OR5L2: variants seen among roughly 807,000 people sequenced by gnomAD.
OR5L2 encodes olfactory receptor family 5 subfamily L member 2.
For missense variants in OR5L2, 425 were observed against 365.6 expected, an observed-to-expected ratio of 1.16 and a Z score of -1.32; for synonymous variants, 175 against 151.6, an observed-to-expected ratio of 1.15 and a Z score of -1.13.
chr11:55,827,275 T>C lies in OR5L2; in HGVS notation c.57T>C (p.Asp19=). Residue 19 remains aspartate, a synonymous_variant, in exon 1 of 1, where the codon GAT becomes GAC. Coordinates refer to ENST00000378397, the MANE Select transcript of OR5L2 (RefSeq NM_001004739.1). ...VAEFILLGLS[D]VPELRVCLFL... ...AGTTCATTCTCCTTGGACTATCAGATGTCCCTGAGTTGAGAGTCTGCCTCT... is the reference window on the plus strand; with the variant it reads ...AGTTCATTCTCCTTGGACTATCAGACGTCCCTGAGTTGAGAGTCTGCCTCT... 1.2e-6 allele frequency: 2 copies of C among 1,613,912 alleles called. No individual in the cohort carries two copies. Among genetic ancestry groups the C allele is most frequent in the Non-Finnish European group, 1.7e-6 (2 of 1,179,982 alleles).
Position 55,827,720 on chromosome 11 carries a change from T to C in OR5L2, c.502T>C (p.Phe168Leu), listed in dbSNP as rs959242261. The C allele has an allele frequency of 2.5e-6, 4 of 1,613,876 alleles. No homozygotes were observed. The highest frequency in any genetic ancestry group is 1.7e-4 in the Middle Eastern group (1 of 6,060). Reference protein sequence around the residue: ...IHSSLALRILFYRSNVINHFF... With the variant: ...IHSSLALRILLYRSNVINHFF... ...CTCGTCCTTAGCTCTTAGGATCCTC[T>C]TCTATAGATCTAATGTGATTAACCA... Residue 168 changes from phenylalanine (F) to leucine (L), a missense_variant, in exon 1 of 1, where the codon TTC becomes CTC. By Grantham distance (22) the Phe-to-Leu change is conservative. Coordinates refer to ENST00000378397, the MANE Select transcript of OR5L2 (RefSeq NM_001004739.1).
rs141725184 is a variant in OR5L2 at position 55,827,387 on chromosome 11, A to T, written c.169A>T (p.Thr57Ser). ...ALIQVSSRLH[T>S]PVYFFLSHLS... ...GATTCAGGTCAGCTCTCGGCTCCAC[A>T]CCCCCGTGTACTTTTTCCTCAGCCA... The change falls in exon 1 of 1, where the codon ACC (threonine) becomes TCC (serine). Residue 57 changes from threonine (T) to serine (S), a missense_variant. Coordinates refer to ENST00000378397, the MANE Select transcript of OR5L2 (RefSeq NM_001004739.1). The T allele has an allele frequency of 1.5e-5, 24 of 1,613,214 alleles. No individual in the cohort carries two copies. In the East Asian group the frequency reaches 5.4e-4, roughly 36 times the overall value.
In OR5L2 at chr11:55,827,744, C is replaced by G; in HGVS notation, c.526C>G (p.His176Asp). 1 of 1,613,768 alleles carries G rather than the reference C, an allele frequency of 6.2e-7. No homozygotes were observed. Among genetic ancestry groups the G allele is most frequent in the Non-Finnish European group, 8.5e-7 (1 of 1,179,964 alleles). Reference sequence around the variant, plus strand: ...CTTCTATAGATCTAATGTGATTAACCACTTCTTCTGTGATCTACCCCCTCT... The same window carrying G: ...CTTCTATAGATCTAATGTGATTAACGACTTCTTCTGTGATCTACCCCCTCT... ...ILFYRSNVIN[H>D]FFCDLPPLLS... Residue 176 changes from histidine to aspartate, a missense_variant, in exon 1 of 1, where the codon CAC becomes GAC. Physicochemically the swap from His to Asp is moderately conservative, Grantham distance 81. Transcript: ENST00000378397.
At position 55,827,397 on chromosome 11, in the gene OR5L2, A is replaced by G. The variant is rs2134474483; in HGVS notation, c.179A>G (p.Tyr60Cys). 6.2e-7 allele frequency: 1 copy of G among 1,614,008 alleles called. No homozygotes were observed. Among genetic ancestry groups the G allele is most frequent in the Non-Finnish European group, 8.5e-7 (1 of 1,180,004 alleles). ...QVSSRLHTPV[Y>C]FFLSHLSFVD... is the part of the protein sequence containing the mutation. ...AGCTCTCGGCTCCACACCCCCGTGT[A>G]CTTTTTCCTCAGCCACTTGTCCTTT... is the stretch of plus-strand genomic sequence containing the variant. Residue 60 changes from tyrosine (Y) to cysteine (C), a missense_variant, in exon 1 of 1, where the codon TAC (tyrosine) becomes TGC (cysteine). Tyr to Cys is a radical substitution (Grantham distance 194). Coordinates refer to ENST00000378397, the MANE Select transcript of OR5L2 (RefSeq NM_001004739.1).
In OR5L2 at chr11:55,827,412, A is replaced by G. The variant is rs1853901617; in HGVS notation, c.194A>G (p.His65Arg). 1 of 1,613,844 alleles carries G rather than the reference A, an allele frequency of 6.2e-7. No homozygotes were observed. Among genetic ancestry groups the G allele is most frequent in the Admixed American group, 1.7e-5 (1 of 59,980 alleles). The change falls in exon 1 of 1, where the codon CAC becomes CGC. Residue 65 changes from histidine (H) to arginine (R), a missense_variant. Coordinates refer to ENST00000378397, the MANE Select transcript of OR5L2 (RefSeq NM_001004739.1). Reference sequence around the variant, plus strand: ...ACCCCCGTGTACTTTTTCCTCAGCCACTTGTCCTTTGTAGATTTCTGCTAC... The same window carrying G: ...ACCCCCGTGTACTTTTTCCTCAGCCGCTTGTCCTTTGTAGATTTCTGCTAC... The part of the protein sequence containing the change: ...LHTPVYFFLS[H>R]LSFVDFCYSS...
Position 55,827,783 on chromosome 11 carries a change from T to G in OR5L2, c.565T>G (p.Cys189Gly). ...TCTACCCCCTCTCCTAAGTCTTGCT[T>G]GCTCTGATGTCACTGTGAATGAGAC... ...CDLPPLLSLA[C>G]SDVTVNETLL... Residue 189 changes from cysteine (C) to glycine (G), a missense_variant, in exon 1 of 1, where the codon TGC becomes GGC. By Grantham distance (159) the Cys-to-Gly change is radical. Transcript: ENST00000378397. 6.2e-7 allele frequency: 1 copy of G among 1,613,932 alleles called. No homozygotes were observed. The highest frequency in any genetic ancestry group is 1.1e-5 in the South Asian group (1 of 91,076).
rs565779927 is a variant in OR5L2, at chr11:55,827,808, C to A, written c.590C>A (p.Thr197Lys). The A allele has an allele frequency of 1.9e-6, 3 of 1,613,802 alleles. No individual in the cohort carries two copies. Among genetic ancestry groups the A allele is most frequent in the Non-Finnish European group, 1.7e-6 (2 of 1,179,988 alleles). ...TGCTCTGATGTCACTGTGAATGAGA[C>A]ACTGCTGTTCCTGGTGGCCACTTTG... is the stretch of plus-strand genomic sequence containing the variant. ...LACSDVTVNE[T>K]LLFLVATLNE... Residue 197 changes from threonine (T) to lysine (K), a missense_variant, in exon 1 of 1, where the codon ACA becomes AAA. Transcript: ENST00000378397.
Position 55,827,713 on chromosome 11 carries a change from G to A in OR5L2, c.495G>A (p.Arg165=). 1 of 1,613,706 alleles carries A rather than the reference G, an allele frequency of 6.2e-7. No individual in the cohort carries two copies. The highest frequency in any genetic ancestry group is 8.5e-7 in the Non-Finnish European group (1 of 1,179,994). The change falls in exon 1 of 1, where the codon AGG becomes AGA. Residue 165 remains arginine, a synonymous_variant. Coordinates refer to ENST00000378397, the MANE Select transcript of OR5L2 (RefSeq NM_001004739.1). ...CSLIHSSLAL[R]ILFYRSNVIN... The stretch of plus-strand genomic sequence containing the variant: ...TGATTCACTCGTCCTTAGCTCTTAG[G>A]ATCCTCTTCTATAGATCTAATGTGA...
rs767057404 is a variant in OR5L2 at position 55,827,527 on chromosome 11, G to A, written c.309G>A (p.Leu103=). The A allele has an allele frequency of 3.7e-6, 6 of 1,607,996 alleles. No individual in the cohort carries two copies. Among genetic ancestry groups the A allele is most frequent in the Non-Finnish European group, 5.1e-6 (6 of 1,175,026 alleles). Residue 103 remains leucine (L), a synonymous_variant, in exon 1 of 1, where the codon TTG becomes TTA. Coordinates refer to ENST00000378397, the MANE Select transcript of OR5L2 (RefSeq NM_001004739.1). ...SFLGCMVQFY[L]FCTCGVTEVF... Reference sequence around the variant, plus strand: ...TAGGGTGCATGGTGCAATTCTACTTGTTTTGCACATGTGGAGTCACTGAGG... The same window carrying A: ...TAGGGTGCATGGTGCAATTCTACTTATTTTGCACATGTGGAGTCACTGAGG...
In OR5L2 at chr11:55,827,698, G is replaced by A. The variant is rs150150306; in HGVS notation, c.480G>A (p.Ser160=). Residue 160 remains serine (S), a synonymous_variant, in exon 1 of 1, where the codon TCG becomes TCA. Transcript: ENST00000378397. Reference sequence around the variant, plus strand: ...GGACGGTGTGTTCTCTGATTCACTCGTCCTTAGCTCTTAGGATCCTCTTCT... The same window carrying A: ...GGACGGTGTGTTCTCTGATTCACTCATCCTTAGCTCTTAGGATCCTCTTCT... ...FCGTVCSLIH[S]SLALRILFYR... is the part of the protein sequence containing the mutation. 43 of 1,613,776 alleles carry A rather than the reference G, an allele frequency of 2.7e-5. No homozygotes were observed. The highest frequency in any genetic ancestry group is 7.7e-5 in the South Asian group (7 of 91,064).
In OR5L2 at chr11:55,827,393, G is replaced by C. The variant is rs56711116; in HGVS notation, c.175G>C (p.Val59Leu). The C allele has an allele frequency of 6.2e-7, 1 of 1,613,764 alleles. No individual in the cohort carries two copies. Among genetic ancestry groups the C allele is most frequent in the Non-Finnish European group, 8.5e-7 (1 of 1,179,952 alleles). ...IQVSSRLHTP[V>L]YFFLSHLSFV... ...GGTCAGCTCTCGGCTCCACACCCCC[G>C]TGTACTTTTTCCTCAGCCACTTGTC... Residue 59 changes from valine to leucine, a missense_variant, in exon 1 of 1, where the codon GTG becomes CTG. Val to Leu is a conservative substitution (Grantham distance 32). Coordinates refer to ENST00000378397, the MANE Select transcript of OR5L2 (RefSeq NM_001004739.1).
Position 55,827,619 on chromosome 11 carries a change from T to A in OR5L2, c.401T>A (p.Val134Glu). The part of the protein sequence containing the change: ...VAICNPLLYM[V>E]TMSQKLRVEL... ...ATCTGTAACCCCCTGCTGTACATGG[T>A]GACCATGTCTCAGAAGCTGCGTGTG... The change falls in exon 1 of 1, where the codon GTG becomes GAG. Residue 134 changes from valine to glutamate, a missense_variant. By Grantham distance (121) the Val-to-Glu change is moderately radical (BLOSUM62 -2). Transcript: ENST00000378397. 6.2e-7 allele frequency: 1 copy of A among 1,613,910 alleles called. No homozygotes were observed. Among genetic ancestry groups the A allele is most frequent in the Non-Finnish European group, 8.5e-7 (1 of 1,180,000 alleles).
rs565779927 is a variant in OR5L2 at position 55,827,808 on chromosome 11, C to T, written c.590C>T (p.Thr197Ile). The T allele has an allele frequency of 4.3e-6, 7 of 1,613,920 alleles. No homozygotes were observed. The African/African-American group carries it at 9.3e-5, about 22-fold the overall frequency. Residue 197 changes from threonine to isoleucine, a missense_variant, in exon 1 of 1, where the codon ACA becomes ATA. Thr to Ile is a moderately conservative substitution (Grantham distance 89, BLOSUM62 -1). Transcript: ENST00000378397. ...TGCTCTGATGTCACTGTGAATGAGA[C>T]ACTGCTGTTCCTGGTGGCCACTTTG... is the stretch of plus-strand genomic sequence containing the variant. ...LACSDVTVNE[T>I]LLFLVATLNE...
Position 55,828,057 on chromosome 11 carries a change from T to C in OR5L2, c.839T>C (p.Val280Ala). ...AAAGTGGCCACCGTGTTCTACACAGTTGTGATTCCCATGCTGAACCCCCTG... is the reference window on the plus strand; with the variant it reads ...AAAGTGGCCACCGTGTTCTACACAGCTGTGATTCCCATGCTGAACCCCCTG... Reference protein sequence around the residue: ...VDKVATVFYTVVIPMLNPLIY... With the variant: ...VDKVATVFYTAVIPMLNPLIY... The change falls in exon 1 of 1, where the codon GTT becomes GCT. Residue 280 changes from valine to alanine, a missense_variant. Physicochemically the swap from Val to Ala is moderately conservative, Grantham distance 64. Coordinates refer to ENST00000378397, the MANE Select transcript of OR5L2 (RefSeq NM_001004739.1). 1 of 1,613,742 alleles carries C rather than the reference T, an allele frequency of 6.2e-7. No individual in the cohort carries two copies. The highest frequency in any genetic ancestry group is 8.5e-7 in the Non-Finnish European group (1 of 1,179,904).
Position 55,827,763 on chromosome 11 carries a change from C to T in OR5L2, c.545C>T (p.Pro182Leu). Residue 182 changes from proline to leucine, a missense_variant, in exon 1 of 1, where the codon CCC becomes CTC. Coordinates refer to ENST00000378397, the MANE Select transcript of OR5L2 (RefSeq NM_001004739.1). ...ATTAACCACTTCTTCTGTGATCTAC[C>T]CCCTCTCCTAAGTCTTGCTTGCTCT... ...NVINHFFCDLPPLLSLACSDV... is the reference protein window; with the variant it reads ...NVINHFFCDLLPLLSLACSDV... 1 of 1,613,710 alleles carries T rather than the reference C, an allele frequency of 6.2e-7. No homozygotes were observed. Among genetic ancestry groups the T allele is most frequent in the Non-Finnish European group, 8.5e-7 (1 of 1,179,948 alleles).
rs765592422 is a variant in OR5L2, at chr11:55,827,516, C to T, written c.298C>T (p.Gln100Ter). ...KAISFLGCMV[Q>*]FYLFCTCGVT... ...CATCTCCTTCCTAGGGTGCATGGTG[C>T]AATTCTACTTGTTTTGCACATGTGG... Residue 100 changes from glutamine (Q) to a stop codon, truncating the protein, a stop_gained, in exon 1 of 1, where the codon CAA becomes TAA. Transcript: ENST00000378397. LOFTEE classifies it low-confidence loss of function (END_TRUNC). 1.1e-5 allele frequency: 18 copies of T among 1,613,412 alleles called. No homozygotes were observed. Among genetic ancestry groups the T allele is most frequent in the Middle Eastern group, 3.3e-4 (2 of 6,082 alleles).
In OR5L2 at chr11:55,827,419, C is replaced by A. The variant is rs2134474578; in HGVS notation, c.201C>A (p.Ser67=). ...TPVYFFLSHL[S]FVDFCYSSII... ...TGTACTTTTTCCTCAGCCACTTGTC[C>A]TTTGTAGATTTCTGCTACTCCTCAA... is the stretch of plus-strand genomic sequence containing the variant. Residue 67 remains serine (S), a synonymous_variant, in exon 1 of 1, where the codon TCC becomes TCA. Coordinates refer to ENST00000378397, the MANE Select transcript of OR5L2 (RefSeq NM_001004739.1). 6.2e-7 allele frequency: 1 copy of A among 1,614,000 alleles called. No homozygotes were observed. The highest frequency in any genetic ancestry group is 8.5e-7 in the Non-Finnish European group (1 of 1,180,012).
chr11:55,827,594 A>G lies in OR5L2; in HGVS notation c.376A>G (p.Ile126Val), dbSNP rs766965773. The change falls in exon 1 of 1, where the codon ATC (isoleucine) becomes GTC (valine). Residue 126 changes from isoleucine (I) to valine (V), a missense_variant. Ile to Val is a conservative substitution (Grantham distance 29). Coordinates refer to ENST00000378397, the MANE Select transcript of OR5L2 (RefSeq NM_001004739.1). ...GATGGCCTATGACCGCTTTGTGGCC[A>G]TCTGTAACCCCCTGCTGTACATGGT... ...AVMAYDRFVA[I>V]CNPLLYMVTM... 1.9e-6 allele frequency: 3 copies of G among 1,613,882 alleles called. No homozygotes were observed. Among genetic ancestry groups the G allele is most frequent in the Middle Eastern group, 1.7e-4 (1 of 6,058 alleles).
chr11:55,827,771 C>T lies in OR5L2; in HGVS notation c.553C>T (p.Leu185=), dbSNP rs765479860. 2.5e-6 allele frequency: 4 copies of T among 1,613,786 alleles called. No homozygotes were observed. The highest frequency in any genetic ancestry group is 1.1e-5 in the South Asian group (1 of 91,084). The change falls in exon 1 of 1, where the codon CTA becomes TTA. Residue 185 remains leucine (L), a synonymous_variant. Transcript: ENST00000378397. The stretch of plus-strand genomic sequence containing the variant: ...CTTCTTCTGTGATCTACCCCCTCTC[C>T]TAAGTCTTGCTTGCTCTGATGTCAC... ...NHFFCDLPPL[L]SLACSDVTVN...
Sources: allele counts gnomAD v4.1 joint callset, GRCh38; gene constraint gnomAD v4.1.1; transcripts MANE v1.5; gene names NCBI Gene and HGNC (gene_info 2026-07-23, HGNC 2026-07-21).